KCNQ5: variants seen among roughly 807,000 people sequenced by gnomAD.
KCNQ5 encodes the protein potassium voltage-gated channel subfamily Q member 5.
In KCNQ5, 30 loss-of-function variants were observed where a neutral mutation model predicts 98.2. The ratio of observed to expected loss-of-function variants is 0.31; its 90% CI spans 0.23 to 0.41. The LOEUF (loss-of-function observed/expected upper bound fraction) is 0.41, where lower values mean the gene tolerates loss of function less well. Among genes scored for constraint, KCNQ5 ranks in the 10% least tolerant of loss-of-function variants. The pLI, the probability that KCNQ5 is intolerant of heterozygous loss-of-function variation, is 1.00. For missense variants in KCNQ5, 835 were observed against 1,182.5 expected, an observed-to-expected ratio of 0.71 and a Z score of 4.31; for synonymous variants, 458 against 449.4, an observed-to-expected ratio of 1.02 and a Z score of -0.24.
At chr6:73,137,095 A>G (rs547855969) in intron 10 of KCNQ5, among the ~76,000 whole-genome samples, 1 of 148,318 alleles carries the variant, frequency 6.7e-6, no homozygotes, top group Admixed American at 6.8e-5. Context: ...GAAAGATAGT[A>G]TAATAGAGAA....
At chr6:73,049,692 C>T (rs905528156) in intron 3 of KCNQ5, among the ~76,000 whole-genome samples, 3 of 152,124 alleles carry the variant, frequency 2.0e-5, no homozygotes, top group Non-Finnish European at 4.4e-5. Flanking sequence ...TCCGTATTTT[C>T]AGCATGTACT....
chr6:72,670,966 A>G (rs920012631), intron 1 of KCNQ5, among the ~76,000 whole-genome samples: 3 of 152,194 alleles, frequency 2.0e-5, no homozygotes, highest in African/African-American at 2.4e-5. Flanking sequence ...TTCAATATTC[A>G]AAACACTAGA....
rs188655575 is a variant in KCNQ5, at chr6:72,649,668, G to A, written c.398+27081G>A. 3.3e-4 allele frequency among the ~76,000 whole-genome samples: 50 copies of A among 152,144 alleles called. 1 individual carries two copies. The highest frequency in any genetic ancestry group is 2.4e-3 in the Admixed American group (36 of 15,268). ...GCTTCTTTAAAGAATAAAACTACTG[G>A]ACATAGAAAATTCTTCAGCTTGTAC... On this transcript the variant is annotated intron_variant, in intron 1 of 13. Transcript: ENST00000370398.
chr6:72,947,437 A>T (rs1766599007), intron 1 of KCNQ5, among the ~76,000 whole-genome samples: 1 of 152,212 alleles, frequency 6.6e-6, no homozygotes, highest in African/African-American at 2.4e-5. Context: ...CTTACTGCTT[A>T]CTTAATAGGT....
chr6:73,123,617 C>G (rs368556274), intron 8 of KCNQ5, among the ~76,000 whole-genome samples: 2 of 152,108 alleles, frequency 1.3e-5, no homozygotes, highest in African/African-American at 4.8e-5. Flanking sequence ...ATTTTAATAA[C>G]AGAAGGATGT....
intron 1 of KCNQ5, among the ~76,000 whole-genome samples, chr6:72,808,176 G>C (rs1775046791): frequency 6.6e-6 from 1 of 152,176 alleles, no homozygotes. Context: ...ATGGAGAGAA[G>C]CGGACTGATT....
At chr6:72,740,016 A>C (rs1244097851) in intron 1 of KCNQ5, among the ~76,000 whole-genome samples, 1 of 152,164 alleles carries the variant, frequency 6.6e-6, no homozygotes, top group Non-Finnish European at 1.5e-5. Context: ...TTATCTGCTC[A>C]GGGTCTCACT....
At chr6:72,942,370 A>C (rs1230526976) in intron 1 of KCNQ5, among the ~76,000 whole-genome samples, 1 of 152,188 alleles carries the variant, frequency 6.6e-6, no homozygotes, top group Non-Finnish European at 1.5e-5. Context: ...ATACATACCA[A>C]ACATGCATCG....
chr6:72,917,960 GT>G (rs1480257157), intron 1 of KCNQ5, among the ~76,000 whole-genome samples: 1 of 152,142 alleles, frequency 6.6e-6, no homozygotes, highest in African/African-American at 2.4e-5. Context: ...CTTGTAGGAT[GT>G]TTAGCAGCAT....
At chr6:72,632,876 A>T (rs956010783) in intron 1 of KCNQ5, among the ~76,000 whole-genome samples, 6 of 152,102 alleles carry the variant, frequency 3.9e-5, no homozygotes, top group African/African-American at 1.4e-4. Context: ...TATTGTGAGT[A>T]GCATGGCAAT....
At chr6:72,758,215 A>G (rs192458316) in intron 1 of KCNQ5, among the ~76,000 whole-genome samples, 1 of 152,044 alleles carries the variant, frequency 6.6e-6, no homozygotes, top group African/African-American at 2.4e-5. Flanking sequence ...TATGGCCTCA[A>G]AATCATAGCT....
chr6:73,017,451 AC>A (rs150075294), intron 2 of KCNQ5, among the ~76,000 whole-genome samples: 12,815 of 152,112 alleles, frequency 0.084, 1,804 homozygotes, highest in African/African-American at 0.29. Flanking sequence ...TTGCTTTGGT[AC>A]TGCACAAAAC....
intron 1 of KCNQ5, among the ~76,000 whole-genome samples, chr6:72,885,824 CA>C (rs1778823603): frequency 6.6e-6 from 1 of 151,932 alleles, no homozygotes; most frequent in Admixed American, 6.6e-5. Flanking sequence ...GCAATTGCTG[CA>C]AAAAAATAAT....
At chr6:72,718,090 A>G (rs967349915) in intron 1 of KCNQ5, among the ~76,000 whole-genome samples, 1 of 152,112 alleles carries the variant, frequency 6.6e-6, no homozygotes, top group Admixed American at 6.5e-5. Flanking sequence ...GAGGTTTATT[A>G]TTTACATTCT....
chr6:73,008,140 T>C (rs1414588289), intron 2 of KCNQ5, among the ~76,000 whole-genome samples: 1 of 151,054 alleles, frequency 6.6e-6, no homozygotes, highest in Non-Finnish European at 1.5e-5. Context: ...ATTCAAACAT[T>C]TCACTACAAA....
At chr6:72,895,173 C>T (rs1779199872) in intron 1 of KCNQ5, among the ~76,000 whole-genome samples, 2 of 149,556 alleles carry the variant, frequency 1.3e-5, no homozygotes, top group Admixed American at 1.3e-4. Context: ...CCTGTAGTCC[C>T]AGCTACTTGG....
At chr6:73,119,421 A>G (rs1275683789) in intron 7 of KCNQ5, among the ~76,000 whole-genome samples, 1 of 152,218 alleles carries the variant, frequency 6.6e-6, no homozygotes, top group Admixed American at 6.5e-5. Context: ...AGGATCACAT[A>G]AAAATACTTT....
At chr6:72,806,065 G>T (rs1774937902) in intron 1 of KCNQ5, among the ~76,000 whole-genome samples, 1 of 152,066 alleles carries the variant, frequency 6.6e-6, no homozygotes, top group African/African-American at 2.4e-5. Context: ...AGAAAGTGGA[G>T]CCCAGAAATG....
intron 1 of KCNQ5, among the ~76,000 whole-genome samples, chr6:72,721,124 GT>G (rs1769932808): frequency 6.6e-6 from 1 of 152,074 alleles, no homozygotes; most frequent in African/African-American, 2.4e-5. Context: ...TTTCTGATCT[GT>G]AAAAACTGAG....
Sources: gnomAD v4.1 joint callset for allele counts (sites outside exome capture counted in the v4.1 genomes callset) on GRCh38, gnomAD v4.1.1 for gene constraint, MANE v1.5 for transcripts, NCBI Gene and HGNC (gene_info 2026-07-23, HGNC 2026-07-21) for gene names.